The following TGM2 variants were observed in gnomAD, a reference collection of about 807,000 sequenced individuals.
TGM2 encodes the protein transglutaminase 2, also known as protein-glutamine gamma-glutamyltransferase 2.
Under a neutral mutation model 75.6 loss-of-function variants are expected in TGM2, and 53 were observed. The observed-to-expected ratio is 0.70, with a 90% CI of 0.56 to 0.88. The LOEUF (loss-of-function observed/expected upper bound fraction) is 0.88. Ranked by LOEUF, TGM2 falls within the 40% of genes least tolerant of loss-of-function variation. The pLI, the probability that TGM2 is intolerant of heterozygous loss-of-function variation, is 0.00. For missense variants in TGM2, 842 were observed against 928.5 expected (o/e 0.91, Z 1.21); for synonymous variants, 374 against 381.1 (o/e 0.98, Z 0.22).
chr20:38,149,246 T>C (rs1008963660), intron 4 of TGM2, among the ~76,000 whole-genome samples: 2 of 152,234 alleles, frequency 1.3e-5, no homozygotes, highest in African/African-American at 4.8e-5. Flanking sequence ...AAATATTCCC[T>C]ACTTCAAGAA....
chr20:38,140,438 C>T (rs2074957624), intron 8 of TGM2, among the ~76,000 whole-genome samples: 1 of 152,216 alleles, frequency 6.6e-6, no homozygotes, highest in Admixed American at 6.5e-5. Flanking sequence ...CGGATCCCCC[C>T]AAGGCACTAC....
intron 6 of TGM2, 61 bp downstream of exon 6, chr20:38,146,656 C>T (rs777249180): frequency 1.0e-4 from 160 of 1,596,346 alleles, no homozygotes; most frequent in Middle Eastern, 1.7e-4. Flanking sequence ...CTGATTCCTA[C>T]TCCAGTGCTC....
In TGM2 at chr20:38,152,357, G is replaced by T. The variant is rs555948211; in HGVS notation, c.434-1300C>A. Among the ~76,000 whole-genome samples, 134 of 152,312 alleles carry T rather than the reference G, an allele frequency of 8.8e-4. 2 individuals carry two copies. Among genetic ancestry groups the T allele is most frequent in the Admixed American group, 1.4e-3 (21 of 15,302 alleles). On this transcript the variant is annotated intron_variant, in intron 3 of 12. Coordinates refer to ENST00000361475, the MANE Select transcript of TGM2 (RefSeq NM_004613.4). ...TGAGGAAAAATGGGAAAGAGGCCAA[G>T]TCTCTTGTGTATTCTGATCTTTGGC...
At chr20:38,137,870 T>C in intron 10 of TGM2, 1 of 850,358 alleles carries the variant, frequency 1.2e-6, no homozygotes, top group East Asian at 2.8e-5. Flanking sequence ...GAAAATTACT[T>C]AACCTCTCTG....
chr20:38,151,682 G>T (rs865953931), intron 3 of TGM2, among the ~76,000 whole-genome samples: 10 of 152,328 alleles, frequency 6.6e-5, no homozygotes, highest in Admixed American at 2.0e-4. Flanking sequence ...GAGAGGTGGG[G>T]TCCTGTCCAG....
intron 8 of TGM2, among the ~76,000 whole-genome samples, chr20:38,141,042 T>C (rs1454811269): frequency 6.6e-6 from 1 of 151,714 alleles, no homozygotes; most frequent in East Asian, 1.9e-4. Context: ...ACAAAGATGC[T>C]ATTTGATTTT....
chr20:38,166,121 C>T (rs2075307923), upstream of TGM2, among the ~76,000 whole-genome samples: 1 of 81,870 alleles, frequency 1.2e-5, no homozygotes, highest in Admixed American at 1.2e-4. Context: ...CATGCAGACA[C>T]ACCTGCAAAA....
chr20:38,142,264 C>T (rs2074985378), intron 6 of TGM2, 65 bp from the exon 7 acceptor site: 1 of 1,605,444 alleles, frequency 6.2e-7, no homozygotes, highest in Non-Finnish European at 8.5e-7. Context: ...TGGGCCTCCA[C>T]CTGCCCATCT....
chr20:38,128,313 T>G lies in TGM2; in HGVS notation c.*1906A>C, dbSNP rs572637179. ...AGGGGCCGGAGATGGAGCCAGCCTG[T>G]GTAGGACCTTGAATGCCAGTAAAGT... is the stretch of plus-strand genomic sequence containing the variant. On this transcript the variant is annotated 3_prime_UTR_variant, in exon 13 of 13. Transcript: ENST00000361475. The G allele has an allele frequency of 2.6e-5, 4 of 152,306 alleles. No homozygotes were observed. The highest frequency in any genetic ancestry group is 9.6e-5 in the African/African-American group (4 of 41,540). The allele number at this position is 152,306 out of a possible 1,614,324, so 9.4% of individuals were successfully genotyped here. A position where few individuals can be genotyped will look rare whatever the true frequency, so the allele number is the denominator to read the frequency against.
intron 2 of TGM2, among the ~76,000 whole-genome samples, chr20:38,158,961 G>C (rs1481111089): frequency 6.6e-6 from 1 of 152,208 alleles, no homozygotes; most frequent in Non-Finnish European, 1.5e-5. Context: ...CAGGGAAGCT[G>C]TGTGCACTCT....
Position 38,139,590 on chromosome 20 carries a change from G to A in TGM2, c.1164C>T (p.Tyr388=), listed in dbSNP as rs756405757. Residue 388 remains tyrosine, a synonymous_variant, in exon 9 of 13, where the codon TAC becomes TAT. Coordinates refer to ENST00000361475, the MANE Select transcript of TGM2 (RefSeq NM_004613.4). ...AIKEGDLSTK[Y]DAPFVFAEVN... is the part of the protein sequence containing the mutation. Reference sequence around the variant, plus strand: ...CCTCCGCAAAGACAAAGGGCGCATCGTACTTGGTGCTCAGGTCGCCCTCCT... The same window carrying A: ...CCTCCGCAAAGACAAAGGGCGCATCATACTTGGTGCTCAGGTCGCCCTCCT... The A allele has an allele frequency of 1.5e-5, 24 of 1,614,088 alleles. 1 individual carries two copies. Among genetic ancestry groups the A allele is most frequent in the Admixed American group, 1.3e-4 (8 of 60,000 alleles).
At chr20:38,133,751 C>T (rs950960280) in intron 10 of TGM2, 9 of 152,108 alleles carry the variant, frequency 5.9e-5, no homozygotes, top group Admixed American at 3.3e-4. Flanking sequence ...AGTGAGACCC[C>T]GTCTCTATAA....
At chr20:38,133,260 G>A (rs1250344666) in intron 10 of TGM2, 1 of 179,676 alleles carries the variant, frequency 5.6e-6, no homozygotes, top group Non-Finnish European at 1.2e-5. Flanking sequence ...ACCTCTGCCA[G>A]TAAGTGCTCA....
chr20:38,149,856 GGTTGCTGAGCAGTTA>G (rs1014612473), intron 4 of TGM2, among the ~76,000 whole-genome samples: 1 of 152,072 alleles, frequency 6.6e-6, no homozygotes, highest in African/African-American at 2.4e-5. Flanking sequence ...CAGGCTACGG[GGTTGCTGAGCAGTTA>G]GTTTTGCAAT....
At chr20:38,154,980 C>T (rs955893712) in intron 3 of TGM2, among the ~76,000 whole-genome samples, 1 of 152,228 alleles carries the variant, frequency 6.6e-6, no homozygotes, top group Non-Finnish European at 1.5e-5. Flanking sequence ...GTGGCACATG[C>T]CTGTAATCCC....
intron 7 of TGM2, 81 bp downstream of exon 7, chr20:38,141,983 T>A: frequency 3.8e-6 from 6 of 1,562,264 alleles, no homozygotes. Context: ...AAATGTGACC[T>A]CCTCCAAGAA....
intron 10 of TGM2, among the ~76,000 whole-genome samples, chr20:38,134,435 C>T (rs1025047162): frequency 6.6e-6 from 1 of 152,166 alleles, no homozygotes; most frequent in Non-Finnish European, 1.5e-5. Context: ...CATTATCCTC[C>T]GGGGGCTTGG....
chr20:38,141,468 G>A (rs1056675037), intron 7 of TGM2, 83 bp from the exon 8 acceptor site: 5 of 1,038,884 alleles, frequency 4.8e-6, no homozygotes, highest in Admixed American at 2.0e-5. Context: ...ATGCATTCAT[G>A]TCCCCAGATG....
In TGM2 at chr20:38,146,501, G is replaced by A. The variant is rs539646945; in HGVS notation, c.859+216C>T. On this transcript the variant is annotated intron_variant, in intron 6 of 12. Coordinates refer to ENST00000361475, the MANE Select transcript of TGM2 (RefSeq NM_004613.4). ...AAGTTCTCAGCCCTGAGCCCATGCAGTCTCTCCAATGATAGCCCTTGATCC... is the reference window on the plus strand; with the variant it reads ...AAGTTCTCAGCCCTGAGCCCATGCAATCTCTCCAATGATAGCCCTTGATCC... 1.3e-5 allele frequency: 9 copies of A among 679,392 alleles called. No homozygotes were observed. The African/African-American group carries it at 1.4e-4, about 11-fold the overall frequency. 42.1% of individuals were successfully genotyped at this position (679,392 alleles called of 1,614,324 possible). A position where few individuals can be genotyped will look rare whatever the true frequency, so the allele number is the denominator to read the frequency against.
Sources: allele counts gnomAD v4.1 joint callset (sites outside exome capture counted in the v4.1 genomes callset), GRCh38; gene constraint gnomAD v4.1.1; transcripts MANE v1.5; gene names NCBI Gene and HGNC (gene_info 2026-07-23, HGNC 2026-07-21).